Variants in LPA observed in about 807,000 individuals in gnomAD.
The protein encoded by LPA is lipoprotein(a), also known as apolipoprotein(a).
Under a neutral mutation model 197.9 loss-of-function variants are expected in LPA, and 199 were observed. The ratio of observed to expected loss-of-function variants is 1.01; its 90% CI spans 0.90 to 1.13. The LOEUF is 1.13. Ranked by LOEUF, LPA falls within the 50% of genes most tolerant of loss-of-function variation. The probability of loss-of-function intolerance (pLI) is 0.00; values close to 1 mark genes in which losing one functional copy is unlikely to be tolerated. For missense variants in LPA, 1,853 were observed against 1,785.8 expected (o/e 1.04, Z -0.68); for synonymous variants, 715 against 639.5 (o/e 1.12, Z -1.78).
chr6:160,538,372 C>G (rs1042210092), intron 36 of LPA, among the ~76,000 whole-genome samples: 3 of 152,146 alleles, frequency 2.0e-5, no homozygotes, highest in African/African-American at 4.8e-5. Context: ...TTGCAAATGC[C>G]TTGTGTGCCC....
rs777679213 is a variant in LPA at position 160,556,060 on chromosome 6, G to A, written c.4938C>T (p.His1646=). The A allele has an allele frequency of 8.7e-6, 14 of 1,612,314 alleles. No homozygotes were observed. The Admixed American group carries it at 2.3e-4, about 27-fold the overall frequency. ...TCQSWSSMTP[H]RHQRTPENYP... is the part of the protein sequence containing the mutation. ...AGTTTTCTGGGGTCCTCTGATGCCGGTGTGGTGTCATGGATGACCAAGATT... is the reference window on the plus strand; with the variant it reads ...AGTTTTCTGGGGTCCTCTGATGCCGATGTGGTGTCATGGATGACCAAGATT... Residue 1646 remains histidine (H), a synonymous_variant, in exon 30 of 39, where the codon CAC becomes CAT. Coordinates refer to ENST00000316300, the MANE Select transcript of LPA (RefSeq NM_005577.4).
intron 28 of LPA, among the ~76,000 whole-genome samples, chr6:160,558,066 C>T (rs1562320974): frequency 6.6e-6 from 1 of 151,972 alleles, no homozygotes; most frequent in Non-Finnish European, 1.5e-5. Flanking sequence ...ACTACAGGCG[C>T]CCGCCACCAC....
intron 28 of LPA, among the ~76,000 whole-genome samples, chr6:160,568,981 G>C (rs1442592752): frequency 6.6e-6 from 1 of 152,168 alleles, no homozygotes; most frequent in Non-Finnish European, 1.5e-5. Context: ...TGAAATAAAA[G>C]AGGACACAAA....
intron 1 of LPA, among the ~76,000 whole-genome samples, chr6:160,656,901 T>A (rs1203559359): frequency 6.6e-6 from 1 of 152,172 alleles, no homozygotes; most frequent in African/African-American, 2.4e-5. Context: ...AGGTTTCCCA[T>A]CAATTTCACT....
chr6:160,611,751 G>C, intron 15 of LPA, 30 bp from the exon 16 acceptor site: 1 of 1,368,860 alleles, frequency 7.3e-7, no homozygotes, highest in Admixed American at 1.8e-5. Flanking sequence ...AATAAACTGA[G>C]TATCTCTGAG....
intron 16 of LPA, among the ~76,000 whole-genome samples, chr6:160,609,269 G>A (rs2115064550): frequency 1.3e-5 from 2 of 152,064 alleles, no homozygotes; most frequent in Middle Eastern, 6.8e-3. Context: ...TATCCAACAT[G>A]GATGATCTTC....
intron 30 of LPA, among the ~76,000 whole-genome samples, chr6:160,555,455 A>ATATATATATATGTG (rs1287454419): frequency 6.8e-5 from 9 of 133,082 alleles, no homozygotes; most frequent in South Asian, 4.8e-4. Flanking sequence ...ATATATATAT[A>ATATATATATATGTG]TGTGTGTGTA....
rs144316504 is a variant in LPA, at chr6:160,595,676, G to C, written c.3288-141C>G. The C allele has an allele frequency of 5.7e-6, 7 of 1,217,706 alleles. No homozygotes were observed. In the Admixed American group the frequency reaches 6.1e-5, roughly 11 times the overall value. The allele number at this position is 1,217,706 out of a possible 1,614,324, so 75.4% of individuals were successfully genotyped here. A position where few individuals can be genotyped will look rare whatever the true frequency, so the allele number is the denominator to read the frequency against. The stretch of plus-strand genomic sequence containing the variant: ...TAAAGGTCCCATAATATGCACAAAT[G>C]GTCCTCAACTTCTAAACAACTGCGA... On this transcript the variant is annotated intron_variant, in intron 20 of 38. Transcript: ENST00000316300.
rs1446196649 is a variant in LPA, at chr6:160,589,451, C to A, written c.3947+102G>T. The A allele has an allele frequency of 2.2e-6, 3 of 1,366,730 alleles. No individual in the cohort carries two copies. The African/African-American group carries it at 4.3e-5, about 20-fold the overall frequency. 84.7% of individuals were successfully genotyped at this position (1,366,730 alleles called of 1,614,324 possible). A position where few individuals can be genotyped will look rare whatever the true frequency, so the allele number is the denominator to read the frequency against. On this transcript the variant is annotated intron_variant, in intron 24 of 38. Coordinates refer to ENST00000316300, the MANE Select transcript of LPA (RefSeq NM_005577.4). ...AGACATTCTGTCCAACATTCTGGGT[C>A]TGAGAGAAATTGGGTCATAAGAAGT...
intron 16 of LPA, among the ~76,000 whole-genome samples, chr6:160,608,527 T>C (rs1779409467): frequency 6.6e-6 from 1 of 152,210 alleles, no homozygotes; most frequent in South Asian, 2.1e-4. Flanking sequence ...TTCTTGTTAT[T>C]ATATCTTTGT....
At chr6:160,548,152 G>C (rs776681842) in intron 31 of LPA, among the ~76,000 whole-genome samples, 7 of 152,128 alleles carry the variant, frequency 4.6e-5, no homozygotes, top group Admixed American at 6.5e-5. Context: ...TAATCACACA[G>C]TTGACAGCAT....
At position 160,601,091 on chromosome 6, in the gene LPA, T is replaced by C; in HGVS notation, c.2953A>G (p.Ile985Val). The change falls in exon 19 of 39, where the codon ATC (isoleucine) becomes GTC (valine). Residue 985 changes from isoleucine to valine, a missense_variant. Transcript: ENST00000316300. ...TPAYYPNAGL[I>V]KNYCRNPDPV... ...TCTGGATTTCGGCAGTAGTTCTTGA[T>C]CAAGCCACTGGAAATTCCAAAAGAA... The C allele has an allele frequency of 1.9e-6, 3 of 1,614,024 alleles. No homozygotes were observed. Among genetic ancestry groups the C allele is most frequent in the Non-Finnish European group, 1.7e-6 (2 of 1,179,944 alleles).
At chr6:160,564,638 C>T (rs1778418748) in intron 28 of LPA, among the ~76,000 whole-genome samples, 1 of 152,194 alleles carries the variant, frequency 6.6e-6, no homozygotes, top group Non-Finnish European at 1.5e-5. Context: ...GGGTTCATCT[C>T]ACCGGGGCTT....
Position 160,548,794 on chromosome 6 carries a change from G to A in LPA, c.4974-135C>T. The A allele has an allele frequency of 1.9e-5, 16 of 861,866 alleles. No individual in the cohort carries two copies. The South Asian group carries it at 2.3e-4, about 12-fold the overall frequency. 53.4% of individuals were successfully genotyped at this position (861,866 alleles called of 1,614,324 possible). ...TTCCCATTAAAGGTATCATACAATT[G>A]CCACAACACAAATGTTCCTCAACTT... On this transcript the variant is annotated intron_variant, in intron 30 of 38. Transcript: ENST00000316300.
At chr6:160,547,976 C>T (rs1778102493) in intron 31 of LPA, 39 bp from the exon 32 acceptor site, 2 of 1,605,654 alleles carry the variant, frequency 1.2e-6, no homozygotes, top group South Asian at 1.1e-5. Flanking sequence ...TGATTACAGA[C>T]AGCCAGGCAG....
At chr6:160,544,589 C>T (rs1014266662) in intron 33 of LPA, among the ~76,000 whole-genome samples, 2 of 152,150 alleles carry the variant, frequency 1.3e-5, no homozygotes, top group African/African-American at 4.8e-5. Flanking sequence ...TCTCAGGATG[C>T]TGGTCTTCAG....
intron 36 of LPA, among the ~76,000 whole-genome samples, chr6:160,538,181 G>T (rs1054581391): frequency 6.6e-6 from 1 of 152,250 alleles, no homozygotes; most frequent in African/African-American, 2.4e-5. Context: ...GGCATCAGTT[G>T]CATGCAAGAA....
chr6:160,539,771 G>A (rs997934887), intron 36 of LPA, among the ~76,000 whole-genome samples: 4 of 152,200 alleles, frequency 2.6e-5, no homozygotes, highest in African/African-American at 9.7e-5. Flanking sequence ...GATCATGAAT[G>A]TGGATGAACT....
At chr6:160,606,873 T>C (rs1295543886) in intron 16 of LPA, among the ~76,000 whole-genome samples, 1 of 152,058 alleles carries the variant, frequency 6.6e-6, no homozygotes, top group Non-Finnish European at 1.5e-5. Context: ...TAAAAAAAAA[T>C]CTAAAGTAGC....
Sources: gnomAD v4.1 joint callset for allele counts (sites outside exome capture counted in the v4.1 genomes callset) on GRCh38, gnomAD v4.1.1 for gene constraint, MANE v1.5 for transcripts, NCBI Gene and HGNC (gene_info 2026-07-23, HGNC 2026-07-21) for gene names.